The following AGBL4 variants were observed in gnomAD, a reference collection of about 807,000 sequenced individuals.
The protein encoded by AGBL4 is AGBL carboxypeptidase 4, also known as cytosolic carboxypeptidase 6.
A neutral mutation model predicts 66.4 loss-of-function variants in AGBL4; 58 were observed. That is an observed-to-expected ratio of 0.87 (90% CI 0.71 to 1.09). AGBL4 has a LOEUF of 1.09. AGBL4 is among the 50% of genes least tolerant of loss of function. The probability of loss-of-function intolerance (pLI) is 0.00; values close to 1 mark genes in which losing one functional copy is unlikely to be tolerated. For synonymous variants in AGBL4, 234 were observed against 222.9 expected, an observed-to-expected ratio of 1.05 and a Z score of -0.44; for missense variants, 579 against 631.0, an observed-to-expected ratio of 0.92 and a Z score of 0.88.
chr1:48,668,121 C>G (rs80223290), intron 6 of AGBL4, among the ~76,000 whole-genome samples: 3,345 of 152,166 alleles, frequency 0.022, 130 homozygotes, highest in African/African-American at 0.077. Flanking sequence ...GTTTCTAAAC[C>G]AGACAAGTTT....
chr1:48,931,675 A>C (rs114417152), intron 5 of AGBL4, among the ~76,000 whole-genome samples: 4,401 of 152,088 alleles, frequency 0.029, 189 homozygotes, highest in African/African-American at 0.1. Context: ...GTGTGCCACC[A>C]CACCTAATTA....
intron 2 of AGBL4, among the ~76,000 whole-genome samples, chr1:49,755,583 T>G (rs74081042): frequency 6.6e-6 from 1 of 152,254 alleles, no homozygotes; most frequent in African/African-American, 2.4e-5. Context: ...TCCCCAAACA[T>G]AGCTATTCTT....
At chr1:50,002,367 T>TG (rs1303070266) in intron 1 of AGBL4, among the ~76,000 whole-genome samples, 1 of 62,346 alleles carries the variant, frequency 1.6e-5, no homozygotes, top group Non-Finnish European at 3.5e-5. Flanking sequence ...TTCTTTTTTT[T>TG]TTTTTTTTTT....
intron 8 of AGBL4, among the ~76,000 whole-genome samples, chr1:48,651,570 A>G (rs11205519): frequency 0.66 from 100,934 of 152,110 alleles, 34,037 homozygotes; most frequent in African/African-American, 0.76. Context: ...GAAAAGCATC[A>G]CTCTCAGGCC....
chr1:49,096,371 T>C (rs969988049), intron 4 of AGBL4, among the ~76,000 whole-genome samples: 1 of 152,062 alleles, frequency 6.6e-6, no homozygotes, highest in Non-Finnish European at 1.5e-5. Context: ...ATCATGCTGC[T>C]ATAAAGACAC....
chr1:49,632,116 T>C (rs1478763109), intron 3 of AGBL4, among the ~76,000 whole-genome samples: 1 of 152,144 alleles, frequency 6.6e-6, no homozygotes, highest in Admixed American at 6.5e-5. Flanking sequence ...ACTAAGAGTG[T>C]AGTAGAGAAA....
intron 6 of AGBL4, among the ~76,000 whole-genome samples, chr1:48,737,601 G>A (rs758787697): frequency 4.6e-5 from 7 of 152,026 alleles, no homozygotes; most frequent in Non-Finnish European, 7.4e-5. Flanking sequence ...TGATTCCGAC[G>A]GCACAAAGAA....
At chr1:49,795,506 A>G (rs546313969) in intron 2 of AGBL4, among the ~76,000 whole-genome samples, 87 of 152,162 alleles carry the variant, frequency 5.7e-4, no homozygotes, top group Non-Finnish European at 1.0e-3. Flanking sequence ...TTCCTGAGAC[A>G]CATCTGTAGA....
intron 6 of AGBL4, among the ~76,000 whole-genome samples, chr1:48,668,912 G>T (rs1229553232): frequency 6.6e-6 from 1 of 152,202 alleles, no homozygotes; most frequent in East Asian, 1.9e-4. Flanking sequence ...GGAGGCAGCG[G>T]AGAAGCACTA....
intron 4 of AGBL4, among the ~76,000 whole-genome samples, chr1:49,108,057 CTCTT>C (rs1445547220): frequency 5.3e-5 from 8 of 152,208 alleles, no homozygotes; most frequent in Admixed American, 3.9e-4. Context: ...CAAGTTATCT[CTCTT>C]TCTGCTTCAG....
intron 3 of AGBL4, among the ~76,000 whole-genome samples, chr1:49,437,242 G>A (rs374992415): frequency 3.9e-5 from 6 of 152,238 alleles, no homozygotes; most frequent in East Asian, 1.9e-4. Context: ...TGGCTTTCTG[G>A]TATTACACAG....
intron 8 of AGBL4, among the ~76,000 whole-genome samples, chr1:48,650,432 T>G (rs1288639120): frequency 6.7e-6 from 1 of 150,296 alleles, no homozygotes; most frequent in Non-Finnish European, 1.5e-5. Context: ...TGCACTAGAA[T>G]TCTGAGAACC....
chr1:49,840,340 C>T (rs905705567), intron 2 of AGBL4, among the ~76,000 whole-genome samples: 2 of 152,056 alleles, frequency 1.3e-5, no homozygotes, highest in Non-Finnish European at 2.9e-5. Flanking sequence ...CCTGATTGTA[C>T]TTAAGTGGAT....
chr1:49,990,812 A>G (rs986654160), intron 1 of AGBL4, among the ~76,000 whole-genome samples: 1 of 152,246 alleles, frequency 6.6e-6, no homozygotes, highest in Non-Finnish European at 1.5e-5. Flanking sequence ...TAAGGATTAA[A>G]TAAGTTTCAG....
In AGBL4 at chr1:49,965,151, GGAAATCAATGATTGCC is replaced by G. The variant is rs1248212774; in HGVS notation, c.34+58596_34+58611del. On this transcript the variant is annotated intron_variant, in intron 1 of 13. Coordinates refer to ENST00000371839, the MANE Select transcript of AGBL4 (RefSeq NM_032785.4). ...TAACAATAAGAAAATCCAACTCCATGGAAATCAATGATTGCCTCCTATCAATTTCTCACAATCCCAT... is the reference window on the plus strand; with the variant it reads ...TAACAATAAGAAAATCCAACTCCATGTCCTATCAATTTCTCACAATCCCAT... 2.0e-5 allele frequency among the ~76,000 whole-genome samples: 3 copies of G among 152,108 alleles called. No individual in the cohort carries two copies. In the East Asian group the frequency reaches 5.8e-4, roughly 29 times the overall value.
At chr1:49,939,142 C>A (rs1274421965) in intron 1 of AGBL4, among the ~76,000 whole-genome samples, 1 of 152,092 alleles carries the variant, frequency 6.6e-6, no homozygotes, top group Non-Finnish European at 1.5e-5. Flanking sequence ...ATCCAACTTA[C>A]AACGGACGTG....
At chr1:49,345,226 G>A (rs2148510934) in intron 3 of AGBL4, among the ~76,000 whole-genome samples, 1 of 152,236 alleles carries the variant, frequency 6.6e-6, no homozygotes, top group Non-Finnish European at 1.5e-5. Flanking sequence ...CAAAACTCCT[G>A]TAATTCTAAT....
At chr1:49,770,126 G>A (rs1285264107) in intron 2 of AGBL4, among the ~76,000 whole-genome samples, 1 of 152,144 alleles carries the variant, frequency 6.6e-6, no homozygotes, top group East Asian at 1.9e-4. Context: ...ACGAGGTCAG[G>A]AGATCAAGAC....
intron 3 of AGBL4, among the ~76,000 whole-genome samples, chr1:49,694,983 C>G (rs889968427): frequency 6.6e-6 from 1 of 151,884 alleles, no homozygotes; most frequent in Non-Finnish European, 1.5e-5. Context: ...GTTAAAGAAA[C>G]AGTATAATTT....
Sources: gnomAD v4.1 joint callset for allele counts (sites outside exome capture counted in the v4.1 genomes callset) on GRCh38, gnomAD v4.1.1 for gene constraint, MANE v1.5 for transcripts, NCBI Gene and HGNC (gene_info 2026-07-23, HGNC 2026-07-21) for gene names.